CDH8: variants seen among roughly 807,000 people sequenced by gnomAD.
The protein encoded by CDH8 is cadherin 8, also known as cadherin-8.
Under a neutral mutation model 68.1 loss-of-function variants are expected in CDH8, and 17 were observed. The ratio of observed to expected loss-of-function variants is 0.25; its 90% confidence interval spans 0.17 to 0.37. CDH8 has a LOEUF of 0.37. CDH8 is among the 10% of genes least tolerant of loss of function. The pLI, the probability that CDH8 is intolerant of heterozygous loss-of-function variation, is 1.00. For missense variants in CDH8, 763 were observed against 999.3 expected (o/e 0.76, Z 3.19); for synonymous variants, 372 against 365.1 (o/e 1.02, Z -0.21).
At chr16:61,993,936 T>C (rs956245925) in intron 2 of CDH8, among the ~76,000 whole-genome samples, 2 of 152,030 alleles carry the variant, frequency 1.3e-5, no homozygotes, top group Non-Finnish European at 2.9e-5. Context: ...TATCAAAATT[T>C]ATTTAAGCAA....
At chr16:61,790,936 G>T (rs1055142660) in intron 7 of CDH8, among the ~76,000 whole-genome samples, 4 of 151,594 alleles carry the variant, frequency 2.6e-5, no homozygotes, top group African/African-American at 9.7e-5. Flanking sequence ...ATTAGAGAAG[G>T]TATGCATATC....
chr16:61,684,291 G>A (rs1039388388), intron 10 of CDH8, among the ~76,000 whole-genome samples: 5 of 151,900 alleles, frequency 3.3e-5, no homozygotes, highest in East Asian at 3.9e-4. Flanking sequence ...ATTGTAATAC[G>A]ATGCTAAAGT....
chr16:62,028,422 TTTG>T (rs1902246967), intron 1 of CDH8, among the ~76,000 whole-genome samples: 1 of 152,038 alleles, frequency 6.6e-6, no homozygotes. Context: ...ACCTGAAGTT[TTTG>T]TTTTCTTTAA....
At chr16:61,950,633 C>T (rs1597084936) in intron 2 of CDH8, among the ~76,000 whole-genome samples, 1 of 152,166 alleles carries the variant, frequency 6.6e-6, no homozygotes, top group Middle Eastern at 3.4e-3. Flanking sequence ...TTCTTATTTT[C>T]CCCCCAAAAC....
In CDH8 at chr16:61,840,943, C is replaced by CT. The variant is rs1271215235; in HGVS notation, c.668-15765dup. Among the ~76,000 whole-genome samples the CT allele has an allele frequency of 5.3e-5, 8 of 151,800 alleles. No homozygotes were observed. In the South Asian group the frequency reaches 1.3e-3, roughly 24 times the overall value. On this transcript the variant is annotated intron_variant, in intron 4 of 11. Transcript: ENST00000577390. ...CTTAACATAAAATAAAATAAAATAA[C>CT]TTTTTTTAAAAAATAAAGAAAATAG...
At chr16:61,819,317 A>C (rs561389205) in intron 6 of CDH8, among the ~76,000 whole-genome samples, 2 of 152,224 alleles carry the variant, frequency 1.3e-5, no homozygotes, top group African/African-American at 4.8e-5. Context: ...TTCCAAGTTT[A>C]TGAATAACAG....
chr16:61,833,098 C>T (rs1962495838), intron 4 of CDH8, among the ~76,000 whole-genome samples: 1 of 151,488 alleles, frequency 6.6e-6, no homozygotes, highest in Non-Finnish European at 1.5e-5. Context: ...ATCTCATATA[C>T]AAAACGTTAT....
intron 2 of CDH8, among the ~76,000 whole-genome samples, chr16:61,957,567 T>TATATATAGATATATGAAC (rs113882405): frequency 6.6e-6 from 1 of 152,128 alleles, no homozygotes; most frequent in Non-Finnish European, 1.5e-5. Flanking sequence ...CCAACTAAAA[T>TATATATAGATATATGAAC]ATATATAGAT....
In CDH8 at chr16:61,879,487, A is replaced by C. The variant is rs192575813; in HGVS notation, c.547+21692T>G. Among the ~76,000 whole-genome samples, 18 of 152,254 alleles carry C rather than the reference A, an allele frequency of 1.2e-4. 2 individuals are homozygous for C. Among genetic ancestry groups the C allele is most frequent in the Admixed American group, 1.2e-3 (18 of 15,286 alleles). ...ATCCGGTTGACATTCCAACACCAAA[A>C]TAGTCATGTAAGACCCTGAAATTGG... On this transcript the variant is annotated intron_variant, in intron 3 of 11. Transcript: ENST00000577390.
chr16:61,783,413 G>A (rs1420940103), intron 8 of CDH8, among the ~76,000 whole-genome samples: 3 of 150,262 alleles, frequency 2.0e-5, no homozygotes, highest in African/African-American at 7.4e-5. Context: ...AATGAGCAAA[G>A]CCTCCAAGAA....
At chr16:61,899,539 AAGG>A (rs755638596) in intron 3 of CDH8, among the ~76,000 whole-genome samples, 2 of 152,028 alleles carry the variant, frequency 1.3e-5, no homozygotes, top group Non-Finnish European at 2.9e-5. Flanking sequence ...GGAGAAAATG[AAGG>A]AGGAGAACTA....
At chr16:61,818,213 C>T (rs1962126006) in intron 6 of CDH8, among the ~76,000 whole-genome samples, 1 of 152,076 alleles carries the variant, frequency 6.6e-6, no homozygotes, top group Non-Finnish European at 1.5e-5. Context: ...TCCAAGGAGA[C>T]ATTATAAAGC....
chr16:61,921,412 T>C (rs1964364763), intron 2 of CDH8, among the ~76,000 whole-genome samples: 1 of 152,094 alleles, frequency 6.6e-6, no homozygotes, highest in South Asian at 2.1e-4. Flanking sequence ...TAGCAGATAT[T>C]TTATCCAAAA....
intron 8 of CDH8, among the ~76,000 whole-genome samples, chr16:61,783,187 G>GA (rs1378943507): frequency 8.2e-6 from 1 of 122,668 alleles, no homozygotes; most frequent in Non-Finnish European, 1.7e-5. Flanking sequence ...TGAAAACTTT[G>GA]AAAAAAATTT....
chr16:61,980,495 GT>G (rs929368232), intron 2 of CDH8, among the ~76,000 whole-genome samples: 1 of 151,898 alleles, frequency 6.6e-6, no homozygotes, highest in Non-Finnish European at 1.5e-5. Context: ...CTCTTTAGTT[GT>G]TTGCTTTTAA....
chr16:61,688,035 CTG>C (rs1218519473), intron 10 of CDH8, among the ~76,000 whole-genome samples: 1 of 151,994 alleles, frequency 6.6e-6, no homozygotes, highest in East Asian at 1.9e-4. Flanking sequence ...TAAAAGGACT[CTG>C]ATTTATTTCT....
intron 2 of CDH8, among the ~76,000 whole-genome samples, chr16:61,959,965 G>T (rs1965062486): frequency 1.8e-5 from 1 of 56,836 alleles, no homozygotes; most frequent in Admixed American, 2.1e-4. Context: ...CTCTGTATGT[G>T]GTGTATGTGT....
intron 9 of CDH8, among the ~76,000 whole-genome samples, chr16:61,722,556 A>G (rs1959231563): frequency 1.3e-5 from 2 of 150,868 alleles, no homozygotes; most frequent in Admixed American, 1.3e-4. Context: ...TGTCCAATAA[A>G]TAAATGAGGA....
chr16:62,029,398 G>T (rs1597136119), intron 1 of CDH8, among the ~76,000 whole-genome samples: 1 of 152,104 alleles, frequency 6.6e-6, no homozygotes, highest in Non-Finnish European at 1.5e-5. Flanking sequence ...AACAAAAATG[G>T]CATGAACCAG....
Sources: allele counts gnomAD v4.1 joint callset (sites outside exome capture counted in the v4.1 genomes callset), GRCh38; gene constraint gnomAD v4.1.1; transcripts MANE v1.5; gene names NCBI Gene and HGNC (gene_info 2026-07-23, HGNC 2026-07-21).